Variants in METAP2 observed in about 807,000 individuals in gnomAD.
The protein encoded by METAP2 is methionine aminopeptidase 2.
METAP2 carries 25 observed loss-of-function variants against 59.4 expected under a neutral mutation model. The ratio of observed to expected loss-of-function variants is 0.42; its 90% CI spans 0.31 to 0.59. The LOEUF is 0.59. Ranked by LOEUF, METAP2 falls within the 20% of genes least tolerant of loss-of-function variation. METAP2 has a pLI of 0.16. For missense variants in METAP2, 366 were observed against 581.2 expected, an observed-to-expected ratio of 0.63 and a Z score of 3.81; for synonymous variants, 214 against 194.1, an observed-to-expected ratio of 1.10 and a Z score of -0.85.
intron 7 of METAP2, among the ~76,000 whole-genome samples, chr12:95,496,952 G>C (rs571885571): frequency 4.0e-5 from 6 of 150,600 alleles, no homozygotes; most frequent in African/African-American, 1.5e-4. Context: ...AGCCTCCCGA[G>C]TTGCTGGGAT....
intron 4 of METAP2, among the ~76,000 whole-genome samples, chr12:95,487,940 C>T (rs1369671353): frequency 1.3e-5 from 2 of 152,074 alleles, no homozygotes; most frequent in African/African-American, 2.4e-5. Flanking sequence ...ATAATTTTTG[C>T]CACTATAAAC....
At chr12:95,484,741 A>G (rs2076183429) in intron 3 of METAP2, 2 of 404,966 alleles carry the variant, frequency 4.9e-6, no homozygotes, top group Non-Finnish European at 9.5e-6. Flanking sequence ...ATCAAGGATA[A>G]TTGTGTTTTT....
At chr12:95,488,375 G>T (rs954618874) in intron 4 of METAP2, among the ~76,000 whole-genome samples, 2 of 151,786 alleles carry the variant, frequency 1.3e-5, no homozygotes, top group Non-Finnish European at 1.5e-5. Context: ...CGGGTGCAGT[G>T]GTGCGTGCCT....
chr12:95,491,369 C>T (rs2076236601), intron 4 of METAP2, among the ~76,000 whole-genome samples: 1 of 152,128 alleles, frequency 6.6e-6, no homozygotes, highest in Non-Finnish European at 1.5e-5. Flanking sequence ...TGATACTATT[C>T]TGTAAGAAGA....
Position 95,513,654 on chromosome 12 carries a change from T to C in METAP2, c.1187T>C (p.Leu396Pro), listed in dbSNP as rs192327828. The change falls in exon 11 of 11, where the codon CTT (leucine) becomes CCT (proline). Residue 396 changes from leucine to proline, a missense_variant and splice_region_variant. By Grantham distance (98) the Leu-to-Pro change is moderately conservative. Around this residue, in one of 4 missense-constraint regions of METAP2, gnomAD observed 82 missense variants for 156.2 expected, o/e 0.52. Transcript: ENST00000323666. ...AATTTTGGATTTTCTCCTCTTAGGC[T>C]TCCAAGAACAAAACACTTGTTAAAT... is the stretch of plus-strand genomic sequence containing the variant. Reference protein sequence around the residue: ...NFDVGHVPIRLPRTKHLLNVI... With the variant: ...NFDVGHVPIRPPRTKHLLNVI... 6.2e-7 allele frequency: 1 copy of C among 1,612,658 alleles called. No individual in the cohort carries two copies. Among genetic ancestry groups the C allele is most frequent in the East Asian group, 2.2e-5 (1 of 44,882 alleles).
chr12:95,485,765 A>C (rs1009621806), intron 3 of METAP2, 114 bp from the exon 4 acceptor site: 15 of 655,226 alleles, frequency 2.3e-5, no homozygotes, highest in Non-Finnish European at 3.5e-5. Context: ...TGTGGCAGCA[A>C]GGAGTTTCCT....
At chr12:95,493,969 G>C (rs932970283) in intron 4 of METAP2, 87 bp from the exon 5 acceptor site, 13 of 1,131,170 alleles carry the variant, frequency 1.1e-5, no homozygotes, top group Non-Finnish European at 1.4e-5. Context: ...ATTTTTATTT[G>C]AACTGTCTTG....
intron 2 of METAP2, among the ~76,000 whole-genome samples, chr12:95,478,734 G>A (rs1211358123): frequency 6.6e-6 from 1 of 152,144 alleles, no homozygotes; most frequent in Non-Finnish European, 1.5e-5. Context: ...ATTGAAATTT[G>A]GTGGTATAAG....
At chr12:95,486,293 T>C (rs116632764) in intron 4 of METAP2, among the ~76,000 whole-genome samples, 44,631 of 151,796 alleles carry the variant, frequency 0.29, 7,178 homozygotes, top group East Asian at 0.48. Context: ...CCCCCTCATA[T>C]GTATTCATAA....
intron 1 of METAP2, 77 bp downstream of exon 1, chr12:95,474,407 G>C: frequency 6.6e-7 from 1 of 1,511,586 alleles, no homozygotes; most frequent in Non-Finnish European, 8.9e-7. Context: ...TGAGGGGGCC[G>C]GGACCGGGGC....
intron 7 of METAP2, among the ~76,000 whole-genome samples, chr12:95,499,535 A>G (rs558972755): frequency 2.7e-4 from 41 of 150,084 alleles, no homozygotes; most frequent in Admixed American, 1.4e-3. Context: ...TTGTTTGTCT[A>G]TCTAGGATGT....
At chr12:95,511,492 A>G (rs2076402726) in intron 8 of METAP2, among the ~76,000 whole-genome samples, 1 of 147,338 alleles carries the variant, frequency 6.8e-6, no homozygotes. Flanking sequence ...CCCGGGTTCA[A>G]GTGATTCTCC....
At position 95,511,019 on chromosome 12, in the gene METAP2, G is replaced by A. The variant is rs551024957; in HGVS notation, c.965-876G>A. On this transcript the variant is annotated intron_variant, in intron 8 of 10. Transcript: ENST00000323666. ...GTATTCCTAGCTTTTTGTTTTGATTGTTGAATGTTATTCCCTCGTGAATAT... is the reference window on the plus strand; with the variant it reads ...GTATTCCTAGCTTTTTGTTTTGATTATTGAATGTTATTCCCTCGTGAATAT... Among the ~76,000 whole-genome samples the A allele has an allele frequency of 2.0e-5, 3 of 152,176 alleles. No homozygotes were observed. The East Asian group carries it at 5.8e-4, about 29-fold the overall frequency.
chr12:95,474,983 C>T (rs1474104989), intron 1 of METAP2, among the ~76,000 whole-genome samples: 1 of 152,064 alleles, frequency 6.6e-6, no homozygotes. Flanking sequence ...ATTATGATAC[C>T]AATTGCAGGC....
intron 10 of METAP2, 53 bp downstream of exon 10, chr12:95,512,969 T>TAACAGCATTTCTA (rs1565787884): frequency 9.7e-7 from 1 of 1,033,574 alleles, no homozygotes; most frequent in Non-Finnish European, 1.5e-6. Context: ...TCTTCTGAGT[T>TAACAGCATTTCTA]AACAGCATTT....
At chr12:95,501,875 A>G (rs928047803) in intron 7 of METAP2, among the ~76,000 whole-genome samples, 1 of 151,314 alleles carries the variant, frequency 6.6e-6, no homozygotes, top group Non-Finnish European at 1.5e-5. Context: ...TCAAGTTACT[A>G]CATAGTATCC....
chr12:95,508,579 GTTAT>G (rs1015266872), intron 8 of METAP2, among the ~76,000 whole-genome samples: 13 of 152,146 alleles, frequency 8.5e-5, no homozygotes, highest in Non-Finnish European at 1.8e-4. Context: ...TCTAGAGTTA[GTTAT>G]TTCTCTTTTT....
intron 3 of METAP2, among the ~76,000 whole-genome samples, chr12:95,484,127 T>G (rs1343304978): frequency 6.6e-6 from 1 of 152,126 alleles, no homozygotes; most frequent in East Asian, 1.9e-4. Context: ...ATTTGGGCTG[T>G]TGTAGACCAC....
In METAP2 at chr12:95,480,354, A is replaced by G. The variant is rs12316928; in HGVS notation, c.260-2861A>G. Reference sequence around the variant, plus strand: ...ACTATGAACATTTGCATATGGGTCTATGTGTAGATATGTTTTCATTTCTCT... The same window carrying G: ...ACTATGAACATTTGCATATGGGTCTGTGTGTAGATATGTTTTCATTTCTCT... On this transcript the variant is annotated intron_variant, in intron 2 of 10. Coordinates refer to ENST00000323666, the MANE Select transcript of METAP2 (RefSeq NM_006838.4). Among the ~76,000 whole-genome samples the G allele has an allele frequency of 3.3e-3, 509 of 152,284 alleles. 2 individuals carry two copies. The highest frequency in any genetic ancestry group is 0.012 in the African/African-American group (481 of 41,560).
Sources: gnomAD v4.1 joint callset for allele counts (sites outside exome capture counted in the v4.1 genomes callset) on GRCh38, gnomAD v4.1.1 for gene constraint, gnomAD v4.1.1 regional missense constraint, MANE v1.5 for transcripts, NCBI Gene and HGNC (gene_info 2026-07-23, HGNC 2026-07-21) for gene names.